Variants in MLLT3 observed in about 807,000 individuals in gnomAD.
MLLT3 encodes the protein MLLT3 super elongation complex subunit.
In MLLT3, 4 loss-of-function variants were observed where a neutral mutation model predicts 53.2. The ratio of observed to expected loss-of-function variants is 0.08; its 90% CI spans 0.04 to 0.17. The LOEUF is 0.17. Ranked by LOEUF, MLLT3 falls within the 10% of genes least tolerant of loss-of-function variation. The pLI is 1.00. For synonymous variants in MLLT3, 283 were observed against 230.6 expected (o/e 1.23, Z -2.06); for missense variants, 569 against 684.0 (o/e 0.83, Z 1.87).
chr9:20,387,941 T>C (rs571067049), intron 5 of MLLT3, among the ~76,000 whole-genome samples: 63 of 152,324 alleles, frequency 4.1e-4, no homozygotes, highest in African/African-American at 1.4e-3. Flanking sequence ...CAGGACTGGC[T>C]CATTCAGGAG....
chr9:20,593,899 C>T (rs992360282), intron 2 of MLLT3, among the ~76,000 whole-genome samples: 1 of 151,510 alleles, frequency 6.6e-6, no homozygotes. Context: ...TGTTGTTGTA[C>T]TCCATGTGTA....
intron 2 of MLLT3, among the ~76,000 whole-genome samples, chr9:20,491,891 A>G (rs1824957432): frequency 6.6e-6 from 1 of 152,136 alleles, no homozygotes; most frequent in Non-Finnish European, 1.5e-5. Flanking sequence ...GCACTGAGGA[A>G]TAGCATGATA....
intron 2 of MLLT3, among the ~76,000 whole-genome samples, chr9:20,474,140 T>C (rs1203188723): frequency 6.6e-6 from 1 of 152,152 alleles, no homozygotes; most frequent in Non-Finnish European, 1.5e-5. Context: ...TTATGATTTA[T>C]CTTTCTGAAG....
intron 5 of MLLT3, among the ~76,000 whole-genome samples, chr9:20,403,940 T>C (rs1254237496): frequency 6.6e-6 from 1 of 152,118 alleles, no homozygotes; most frequent in African/African-American, 2.4e-5. Flanking sequence ...CACCTCAGCC[T>C]CCCAAGTAGC....
chr9:20,350,301 A>G (rs1387468373), intron 10 of MLLT3, among the ~76,000 whole-genome samples: 2 of 152,242 alleles, frequency 1.3e-5, no homozygotes, highest in African/African-American at 4.8e-5. Context: ...GACTGCAGAT[A>G]AGAAAAACAG....
intron 5 of MLLT3, among the ~76,000 whole-genome samples, chr9:20,394,503 G>A (rs1822269260): frequency 6.6e-6 from 1 of 152,098 alleles, no homozygotes; most frequent in Non-Finnish European, 1.5e-5. Context: ...ATTAGGGATG[G>A]TGATAAGGTA....
In MLLT3 at chr9:20,620,581, A is replaced by T; in HGVS notation, c.193+73T>A. On this transcript the variant is annotated intron_variant, in intron 2 of 10. Coordinates refer to ENST00000380338, the MANE Select transcript of MLLT3 (RefSeq NM_004529.4). This position sits in a 1 kb window ranked among gnomAD's most constrained non-coding sequence, Gnocchi z 6.1. ...CGGCGCGGGGGGCGGGGAGCGGGAC[A>T]GCGGGACCGCCCGGGCCAAGCGATT... 6.9e-7 allele frequency: 1 copy of T among 1,443,170 alleles called. No homozygotes were observed. Among genetic ancestry groups the T allele is most frequent in the Non-Finnish European group, 9.4e-7 (1 of 1,061,650 alleles). 89.4% of individuals were successfully genotyped at this position (1,443,170 alleles called of 1,614,324 possible).
chr9:20,561,548 TG>T lies in MLLT3; in HGVS notation c.193+59105del, dbSNP rs1819212168. On this transcript the variant is annotated intron_variant, in intron 2 of 10. Coordinates refer to ENST00000380338, the MANE Select transcript of MLLT3 (RefSeq NM_004529.4). The stretch of plus-strand genomic sequence containing the variant: ...TCATTGCATTCCAGTTGACAATCTG[TG>T]TCCAAGTTTCCTTTCCAAAGTTGTC... Among the ~76,000 whole-genome samples the T allele has an allele frequency of 2.0e-5, 3 of 152,172 alleles. No homozygotes were observed. The South Asian group carries it at 6.2e-4, about 32-fold the overall frequency.
chr9:20,576,820 T>C (rs1312999641), intron 2 of MLLT3, among the ~76,000 whole-genome samples: 2 of 151,194 alleles, frequency 1.3e-5, no homozygotes, highest in South Asian at 2.1e-4. Context: ...CAATGAAGGG[T>C]TGTGGCACAA....
chr9:20,345,911 G>A lies in MLLT3; in HGVS notation c.*532C>T, dbSNP rs775530465. On this transcript the variant is annotated 3_prime_UTR_variant, in exon 11 of 11. Transcript: ENST00000380338. Reference sequence around the variant, plus strand: ...GTTGGTGGAAAGTGGCACGGTATACGAGTAAGGTCACTGGGCTTGGGATGG... The same window carrying A: ...GTTGGTGGAAAGTGGCACGGTATACAAGTAAGGTCACTGGGCTTGGGATGG... 5 of 231,366 alleles carry A rather than the reference G, an allele frequency of 2.2e-5. No individual in the cohort carries two copies. The highest frequency in any genetic ancestry group is 5.6e-5 in the Admixed American group (1 of 17,732). 14.3% of individuals were successfully genotyped at this position (231,366 alleles called of 1,614,324 possible).
intron 4 of MLLT3, among the ~76,000 whole-genome samples, chr9:20,429,457 A>T (rs1823214135): frequency 6.6e-6 from 1 of 152,230 alleles, no homozygotes; most frequent in African/African-American, 2.4e-5. Flanking sequence ...CAAGAAGAGT[A>T]AGAAAAAGAA....
intron 5 of MLLT3, among the ~76,000 whole-genome samples, chr9:20,375,695 G>A (rs1416899263): frequency 2.0e-5 from 3 of 146,478 alleles, no homozygotes; most frequent in African/African-American, 7.7e-5. Flanking sequence ...TGAAAGCTCC[G>A]CCTCCTGGGT....
At position 20,345,292 on chromosome 9, in the gene MLLT3, C is replaced by T. The variant is rs541757032; in HGVS notation, c.*1151G>A. The T allele has an allele frequency of 4.7e-6, 1 of 213,826 alleles. No individual in the cohort carries two copies. The highest frequency in any genetic ancestry group is 2.3e-5 in the African/African-American group (1 of 44,356). The allele number at this position is 213,826 out of a possible 1,614,324, so 13.2% of individuals were successfully genotyped here. ...TGGCAGAATAACCAAGAATTTTTCC[C>T]CAAAGAAAGATTTTAATTTTTTCAA... is the stretch of plus-strand genomic sequence containing the variant. On this transcript the variant is annotated 3_prime_UTR_variant, in exon 11 of 11. Transcript: ENST00000380338.
rs372409968 is a variant in MLLT3 at position 20,383,233 on chromosome 9, A to C, written c.1126-17489T>G. Among the ~76,000 whole-genome samples the C allele has an allele frequency of 4.6e-5, 7 of 151,992 alleles. No homozygotes were observed. In the East Asian group the frequency reaches 7.7e-4, roughly 17 times the overall value. ...TTGGTGAGGAGCAGAAAACAAATGC[A>C]GCTATCAGCTCTATGATGGGGGGTA... On this transcript the variant is annotated intron_variant, in intron 5 of 10. Transcript: ENST00000380338.
chr9:20,597,496 T>C (rs1028432163), intron 2 of MLLT3, among the ~76,000 whole-genome samples: 7 of 152,168 alleles, frequency 4.6e-5, no homozygotes, highest in African/African-American at 1.7e-4. Context: ...TACAACAAAT[T>C]TACCTTCATA....
At chr9:20,585,598 A>C (rs186808183) in intron 2 of MLLT3, among the ~76,000 whole-genome samples, 1 of 152,130 alleles carries the variant, frequency 6.6e-6, no homozygotes, top group Admixed American at 6.5e-5. Flanking sequence ...CTAAATCTTC[A>C]CCATTCTAAT....
At chr9:20,393,940 C>T (rs1428337194) in intron 5 of MLLT3, among the ~76,000 whole-genome samples, 1 of 152,106 alleles carries the variant, frequency 6.6e-6, no homozygotes, top group South Asian at 2.1e-4. Context: ...CTTAAAAGTA[C>T]TTCATCATTG....
chr9:20,606,567 G>A (rs1012686847), intron 2 of MLLT3, among the ~76,000 whole-genome samples: 2 of 152,122 alleles, frequency 1.3e-5, no homozygotes, highest in African/African-American at 4.8e-5. Context: ...ATTTTACTCT[G>A]CACCAATTTC....
At chr9:20,383,810 A>G (rs1020132497) in intron 5 of MLLT3, among the ~76,000 whole-genome samples, 2 of 152,052 alleles carry the variant, frequency 1.3e-5, no homozygotes, top group Middle Eastern at 3.4e-3. Flanking sequence ...TCTCCTGGAG[A>G]AGGCAGCTGA....
Sources: gnomAD v4.1 joint callset for allele counts (sites outside exome capture counted in the v4.1 genomes callset) on GRCh38, gnomAD v4.1.1 for gene constraint, Gnocchi (gnomAD v3.1) non-coding constraint, MANE v1.5 for transcripts, NCBI Gene and HGNC (gene_info 2026-07-23, HGNC 2026-07-21) for gene names.